The following XPR1 variants were observed in gnomAD, a reference collection of about 807,000 sequenced individuals.
The protein encoded by XPR1 is xenotropic and polytropic retrovirus receptor 1.
Under a neutral mutation model 87.5 loss-of-function variants are expected in XPR1, and 28 were observed. The ratio of observed to expected loss-of-function variants is 0.32; its 90% confidence interval spans 0.24 to 0.44. The LOEUF (loss-of-function observed/expected upper bound fraction) is 0.44, where lower values mean the gene tolerates loss of function less well. Ranked by LOEUF, XPR1 falls within the 20% of genes least tolerant of loss-of-function variation. The probability of loss-of-function intolerance (pLI) is 1.00; values close to 1 mark genes in which losing one functional copy is unlikely to be tolerated. For missense variants in XPR1, 559 were observed against 862.3 expected (o/e 0.65, Z 4.41); for synonymous variants, 300 against 306.1 (o/e 0.98, Z 0.21).
At chr1:180,755,862 TAG>T (rs764637793) in intron 2 of XPR1, among the ~76,000 whole-genome samples, 3 of 152,232 alleles carry the variant, frequency 2.0e-5, no homozygotes, top group Non-Finnish European at 4.4e-5. Flanking sequence ...TGTCACCTTG[TAG>T]ATCTGACTGA....
At chr1:180,876,233 G>A (rs1571250627) in intron 13 of XPR1, among the ~76,000 whole-genome samples, 1 of 152,182 alleles carries the variant, frequency 6.6e-6, no homozygotes, top group Non-Finnish European at 1.5e-5. Flanking sequence ...TCTGTCTCAT[G>A]TACACAGTTG....
chr1:180,770,155 TTA>T (rs1220796368), intron 2 of XPR1, among the ~76,000 whole-genome samples: 5 of 152,364 alleles, frequency 3.3e-5, no homozygotes, highest in Admixed American at 1.3e-4. Context: ...GTATTTTGTT[TTA>T]TGTTTTTGTC....
At chr1:180,864,330 A>G (rs1652315006) in intron 12 of XPR1, among the ~76,000 whole-genome samples, 1 of 152,110 alleles carries the variant, frequency 6.6e-6, no homozygotes, top group Admixed American at 6.5e-5. Context: ...TAGCATAGTC[A>G]GCTATTCATC....
chr1:180,651,254 G>T (rs1341002640), intron 1 of XPR1, among the ~76,000 whole-genome samples: 1 of 152,018 alleles, frequency 6.6e-6, no homozygotes, highest in Non-Finnish European at 1.5e-5. Context: ...ACCACACCCA[G>T]CTAATTTGTG....
chr1:180,796,648 A>G (rs993818493), intron 3 of XPR1, among the ~76,000 whole-genome samples: 3 of 152,212 alleles, frequency 2.0e-5, no homozygotes, highest in Non-Finnish European at 4.4e-5. Context: ...AGGCCACGCA[A>G]AAACTTGTAT....
At chr1:180,676,878 T>C (rs1351836519) in intron 1 of XPR1, among the ~76,000 whole-genome samples, 2 of 152,210 alleles carry the variant, frequency 1.3e-5, no homozygotes, top group Non-Finnish European at 2.9e-5. Context: ...TTAGAAAAGA[T>C]GTGGTCCATT....
intron 1 of XPR1, among the ~76,000 whole-genome samples, chr1:180,654,305 A>G (rs780421844): frequency 6.6e-6 from 1 of 152,048 alleles, no homozygotes; most frequent in Non-Finnish European, 1.5e-5. Flanking sequence ...CTCAGATCTA[A>G]TCACCTCTTC....
At position 180,824,820 on chromosome 1, in the gene XPR1, T is replaced by C; in HGVS notation, c.831T>C (p.Leu277=). ...TAAGAATCTATCGGGGTGGCTTTCT[T>C]CTGATTGAATTCCTTTTTCTACTGG... The part of the protein sequence containing the change: ...PLIRIYRGGF[L]LIEFLFLLGI... Residue 277 remains leucine (L), a synonymous_variant, in exon 8 of 15, where the codon CTT becomes CTC. Coordinates refer to ENST00000367590, the MANE Select transcript of XPR1 (RefSeq NM_004736.4). 1 of 1,614,110 alleles carries C rather than the reference T, an allele frequency of 6.2e-7. No homozygotes were observed. The highest frequency in any genetic ancestry group is 8.5e-7 in the Non-Finnish European group (1 of 1,179,996).
At chr1:180,883,164 C>T (rs1324161373) in intron 14 of XPR1, among the ~76,000 whole-genome samples, 1 of 137,650 alleles carries the variant, frequency 7.3e-6, no homozygotes, top group Admixed American at 7.7e-5. Context: ...CAGGGTCTCA[C>T]TGTGATGCTC....
chr1:180,794,939 A>C (rs1215752868), intron 3 of XPR1, among the ~76,000 whole-genome samples: 1 of 152,234 alleles, frequency 6.6e-6, no homozygotes, highest in Non-Finnish European at 1.5e-5. Flanking sequence ...TATTTGAGGT[A>C]CACAGTTTCA....
At chr1:180,808,573 G>A (rs1650086352) in intron 6 of XPR1, among the ~76,000 whole-genome samples, 1 of 152,074 alleles carries the variant, frequency 6.6e-6, no homozygotes, top group South Asian at 2.1e-4. Context: ...CTTATATTTA[G>A]AATATATAAA....
At chr1:180,811,587 C>T in intron 7 of XPR1, 99 bp downstream of exon 7, 1 of 920,952 alleles carries the variant, frequency 1.1e-6, no homozygotes, top group South Asian at 2.0e-5. Context: ...ACCAAAGCTA[C>T]TGAAAGATAA....
intron 1 of XPR1, among the ~76,000 whole-genome samples, chr1:180,656,028 G>C (rs1273874026): frequency 6.6e-6 from 1 of 151,304 alleles, no homozygotes; most frequent in African/African-American, 2.4e-5. Context: ...TCAACCTGTT[G>C]TGTTATCAAA....
chr1:180,654,924 C>G (rs1403786261), intron 1 of XPR1, among the ~76,000 whole-genome samples: 2 of 152,006 alleles, frequency 1.3e-5, no homozygotes, highest in African/African-American at 4.8e-5. Context: ...GTTTCAGTAC[C>G]TTTGGGTATA....
chr1:180,826,919 C>T (rs563289795), intron 9 of XPR1, among the ~76,000 whole-genome samples: 2 of 151,718 alleles, frequency 1.3e-5, no homozygotes, highest in Non-Finnish European at 2.9e-5. Flanking sequence ...TTTGGGAGGC[C>T]GAGGTGGGTG....
At chr1:180,640,594 T>A (rs1209865882) in intron 1 of XPR1, among the ~76,000 whole-genome samples, 1 of 152,200 alleles carries the variant, frequency 6.6e-6, no homozygotes, top group African/African-American at 2.4e-5. Flanking sequence ...CCCAGTGAAG[T>A]AATGGCGGGT....
rs1653018250 is a variant in XPR1, at chr1:180,886,572, T to C, written c.*2506T>C. The C allele has an allele frequency of 6.6e-6, 1 of 152,366 alleles. No individual in the cohort carries two copies. Among genetic ancestry groups the C allele is most frequent in the South Asian group, 2.1e-4 (1 of 4,830 alleles). 9.4% of individuals were successfully genotyped at this position (152,366 alleles called of 1,614,324 possible). A position where few individuals can be genotyped will look rare whatever the true frequency, so the allele number is the denominator to read the frequency against. On this transcript the variant is annotated 3_prime_UTR_variant, in exon 15 of 15. Coordinates refer to ENST00000367590, the MANE Select transcript of XPR1 (RefSeq NM_004736.4). ...AGATGTAATCCTTTTCTGAAGTGTT[T>C]GTCGGATTGGCATAGTCTATTCAAA...
chr1:180,758,480 G>C (rs1041593447), intron 2 of XPR1, among the ~76,000 whole-genome samples: 15 of 152,164 alleles, frequency 9.9e-5, no homozygotes, highest in Non-Finnish European at 1.9e-4. Context: ...GGCCGAGGTG[G>C]GTGGATCATT....
intron 2 of XPR1, among the ~76,000 whole-genome samples, chr1:180,742,661 T>A (rs1355293509): frequency 6.6e-6 from 1 of 152,146 alleles, no homozygotes; most frequent in Non-Finnish European, 1.5e-5. Flanking sequence ...GGTTAATTGA[T>A]GTTCACTTCT....
Sources: gnomAD v4.1 joint callset for allele counts (sites outside exome capture counted in the v4.1 genomes callset) on GRCh38, gnomAD v4.1.1 for gene constraint, MANE v1.5 for transcripts, NCBI Gene and HGNC (gene_info 2026-07-23, HGNC 2026-07-21) for gene names.